SPAG16: variants seen among roughly 807,000 people sequenced by gnomAD.
SPAG16 encodes sperm associated antigen 16.
A neutral mutation model predicts 80.4 loss-of-function variants in SPAG16; 86 were observed. That is an observed-to-expected ratio of 1.07 (90% CI 0.90 to 1.28). SPAG16 has a LOEUF of 1.28. SPAG16 is among the 50% of genes most tolerant of loss of function. The probability of loss-of-function intolerance (pLI) is 0.00; values close to 1 mark genes in which losing one functional copy is unlikely to be tolerated. For missense variants in SPAG16, 870 were observed against 765.3 expected (o/e 1.14, Z -1.61); for synonymous variants, 294 against 265.9 (o/e 1.11, Z -1.03).
intron 11 of SPAG16, among the ~76,000 whole-genome samples, chr2:213,911,835 C>CA (rs10644766): frequency 0.61 from 76,619 of 125,836 alleles, 23,582 homozygotes; most frequent in East Asian, 0.84. Context: ...AAACAGTTAG[C>CA]AAAAAAAAAA....
chr2:213,436,219 G>A (rs1032931101), intron 9 of SPAG16, among the ~76,000 whole-genome samples: 17 of 152,154 alleles, frequency 1.1e-4, no homozygotes, highest in Non-Finnish European at 1.5e-5. Context: ...ATGTAAGTAG[G>A]AATAAATTGG....
chr2:214,020,457 A>G (rs1476102618), intron 13 of SPAG16, among the ~76,000 whole-genome samples: 2 of 152,164 alleles, frequency 1.3e-5, no homozygotes, highest in Non-Finnish European at 2.9e-5. Flanking sequence ...TTTCTGACCA[A>G]AAAATAACAA....
intron 10 of SPAG16, among the ~76,000 whole-genome samples, chr2:213,526,051 C>A (rs2075875498): frequency 6.6e-6 from 1 of 152,120 alleles, no homozygotes; most frequent in Non-Finnish European, 1.5e-5. Context: ...AAATAGCCTC[C>A]TTTTAAAATG....
intron 11 of SPAG16, among the ~76,000 whole-genome samples, chr2:213,868,010 C>G (rs2075773554): frequency 6.7e-6 from 1 of 149,912 alleles, no homozygotes; most frequent in Non-Finnish European, 1.5e-5. Context: ...AGGGAAGAGG[C>G]AATTGTGTTT....
chr2:214,053,386 G>A (rs186569121), intron 13 of SPAG16, among the ~76,000 whole-genome samples: 448 of 152,228 alleles, frequency 2.9e-3, no homozygotes, highest in Non-Finnish European at 4.9e-3. Context: ...AAGCAAAGAC[G>A]TTTTTTAGAT....
intron 9 of SPAG16, among the ~76,000 whole-genome samples, chr2:213,460,826 C>T (rs1394449330): frequency 6.6e-6 from 1 of 152,114 alleles, no homozygotes; most frequent in Non-Finnish European, 1.5e-5. Flanking sequence ...CACTCATTAT[C>T]ATTCTATAGT....
At chr2:214,343,463 G>GA (rs1225771366) in intron 15 of SPAG16, among the ~76,000 whole-genome samples, 3 of 151,632 alleles carry the variant, frequency 2.0e-5, no homozygotes, top group Admixed American at 6.6e-5. Flanking sequence ...GGAACTGATA[G>GA]AAAAAAAATT....
chr2:214,245,714 C>T (rs1689791804), intron 15 of SPAG16, among the ~76,000 whole-genome samples: 1 of 152,084 alleles, frequency 6.6e-6, no homozygotes, highest in South Asian at 2.1e-4. Flanking sequence ...AATTTAAGGG[C>T]ATTTCAGGTC....
At chr2:214,053,232 C>G (rs2049754832) in intron 13 of SPAG16, among the ~76,000 whole-genome samples, 1 of 152,024 alleles carries the variant, frequency 6.6e-6, no homozygotes, top group African/African-American at 2.4e-5. Flanking sequence ...TCCATTTGAG[C>G]AAAAATGCAG....
chr2:213,491,791 C>T (rs964957719), intron 10 of SPAG16, among the ~76,000 whole-genome samples: 4 of 152,192 alleles, frequency 2.6e-5, no homozygotes, highest in East Asian at 1.9e-4. Flanking sequence ...AATTTATTTC[C>T]AGCCTTTGGA....
chr2:213,676,752 A>T (rs1210368707), intron 10 of SPAG16, among the ~76,000 whole-genome samples: 7 of 150,634 alleles, frequency 4.6e-5, no homozygotes, highest in Admixed American at 4.0e-4. Context: ...CATGGTGGAT[A>T]AGCTTTTTGA....
At chr2:213,522,632 T>C (rs1017220923) in intron 10 of SPAG16, among the ~76,000 whole-genome samples, 72 of 152,262 alleles carry the variant, frequency 4.7e-4, no homozygotes, top group African/African-American at 1.7e-3. Flanking sequence ...CTGGAGACCA[T>C]CTGCTGTTTG....
chr2:214,232,431 G>A (rs373407848), intron 15 of SPAG16, among the ~76,000 whole-genome samples: 40 of 152,060 alleles, frequency 2.6e-4, no homozygotes, highest in East Asian at 1.9e-3. Flanking sequence ...GTGATTCAGA[G>A]TTTTCAGTGG....
At chr2:213,572,909 C>T (rs983314967) in intron 10 of SPAG16, among the ~76,000 whole-genome samples, 1 of 152,208 alleles carries the variant, frequency 6.6e-6, no homozygotes, top group Non-Finnish European at 1.5e-5. Flanking sequence ...GCGTAGGACC[C>T]TCCGAGCCAG....
intron 15 of SPAG16, among the ~76,000 whole-genome samples, chr2:214,151,957 T>C (rs2055993442): frequency 6.6e-6 from 1 of 152,218 alleles, no homozygotes; most frequent in Non-Finnish European, 1.5e-5. Flanking sequence ...TAATATTTAA[T>C]GTCTCTAGAT....
chr2:213,298,359 AAT>A (rs2126077108), intron 3 of SPAG16, among the ~76,000 whole-genome samples: 1 of 152,356 alleles, frequency 6.6e-6, no homozygotes, highest in African/African-American at 2.4e-5. Context: ...AATTTGTAGG[AAT>A]AGTTTTAAAA....
chr2:214,071,864 T>G (rs1175490516), intron 13 of SPAG16, among the ~76,000 whole-genome samples: 1 of 152,156 alleles, frequency 6.6e-6, no homozygotes, highest in East Asian at 1.9e-4. Flanking sequence ...GCAATAACAC[T>G]GTAATTTAGT....
At chr2:214,065,033 A>AT (rs1357911640) in intron 13 of SPAG16, among the ~76,000 whole-genome samples, 2 of 151,948 alleles carry the variant, frequency 1.3e-5, no homozygotes, top group Non-Finnish European at 2.9e-5. Flanking sequence ...AGCTTTAAAT[A>AT]TTTTTTCTCA....
chr2:214,150,147 T>A (rs971860228), intron 15 of SPAG16, among the ~76,000 whole-genome samples: 9 of 152,098 alleles, frequency 5.9e-5, no homozygotes, highest in African/African-American at 2.2e-4. Context: ...AAATATTTTA[T>A]TGTTTTAAGA....
Sources: gnomAD v4.1 joint callset for allele counts (sites outside exome capture counted in the v4.1 genomes callset) on GRCh38, gnomAD v4.1.1 for gene constraint, MANE v1.5 for transcripts, NCBI Gene and HGNC (gene_info 2026-07-23, HGNC 2026-07-21) for gene names.